Variants in NTM observed in about 807,000 individuals in gnomAD.
The protein encoded by NTM is neurotrimin.
A neutral mutation model predicts 42.1 loss-of-function variants in NTM; 13 were observed. The observed-to-expected ratio is 0.31, with a 90% CI of 0.20 to 0.49. NTM has a LOEUF of 0.49. NTM is among the 20% of genes least tolerant of loss of function. The probability of loss-of-function intolerance (pLI) is 0.99; values close to 1 mark genes in which losing one functional copy is unlikely to be tolerated. For synonymous variants in NTM, 187 were observed against 179.2 expected (o/e 1.04, Z -0.35); for missense variants, 373 against 452.8 (o/e 0.82, Z 1.60).
intron 1 of NTM, among the ~76,000 whole-genome samples, chr11:131,543,646 G>T (rs1414984856): frequency 3.3e-5 from 5 of 152,168 alleles, no homozygotes; most frequent in Non-Finnish European, 7.3e-5. Context: ...CTGGGGAGAG[G>T]CTCTGCTTCC....
rs1046569656 is a variant in NTM, at chr11:132,002,263, G to A, written c.167+90615G>A. On this transcript the variant is annotated intron_variant, in intron 2 of 8. Coordinates refer to ENST00000683400, the MANE Select transcript of NTM (RefSeq NM_001352005.2). The surrounding 1 kb of genome is among the most constrained non-coding windows in gnomAD (Gnocchi z 4.5). ...GCTGGACTTGTCTTGTGAGCTATTTGTGGCAGCTTTACTGTACAAAAGCGA... is the reference window on the plus strand; with the variant it reads ...GCTGGACTTGTCTTGTGAGCTATTTATGGCAGCTTTACTGTACAAAAGCGA... Among the ~76,000 whole-genome samples the A allele has an allele frequency of 6.6e-6, 1 of 152,200 alleles. No individual in the cohort carries two copies. Among genetic ancestry groups the A allele is most frequent in the Non-Finnish European group, 1.5e-5 (1 of 68,036 alleles).
intron 1 of NTM, among the ~76,000 whole-genome samples, chr11:131,608,466 T>G (rs1342957498): frequency 6.6e-6 from 1 of 152,200 alleles, no homozygotes; most frequent in African/African-American, 2.4e-5. Context: ...AAAACCTCAA[T>G]TAAGAAAGAA....
At chr11:132,301,604 CA>C (rs1196042374) in intron 4 of NTM, among the ~76,000 whole-genome samples, 2 of 152,128 alleles carry the variant, frequency 1.3e-5, no homozygotes, top group African/African-American at 4.8e-5. Context: ...GTTCATCAGC[CA>C]TCATAATGGC....
At chr11:131,634,497 G>A (rs1489617120) in intron 1 of NTM, among the ~76,000 whole-genome samples, 2 of 151,998 alleles carry the variant, frequency 1.3e-5, no homozygotes, top group Non-Finnish European at 2.9e-5. Flanking sequence ...TCTCCATGAC[G>A]CTAATGCACT....
At chr11:132,101,042 C>T (rs2061560624) in intron 2 of NTM, among the ~76,000 whole-genome samples, 1 of 152,154 alleles carries the variant, frequency 6.6e-6, no homozygotes, top group Non-Finnish European at 1.5e-5. Flanking sequence ...TGAAAGCAGA[C>T]CTGTTGTCTC....
In NTM at chr11:131,505,294, A is replaced by G. The variant is rs1243109258; in HGVS notation, c.82+134406A>G. Reference sequence around the variant, plus strand: ...TAATGCTAACAACGATCATTTATTGAATAATTATTCTCAGTGTGTTAAGGA... The same window carrying G: ...TAATGCTAACAACGATCATTTATTGGATAATTATTCTCAGTGTGTTAAGGA... On this transcript the variant is annotated intron_variant, in intron 1 of 8. Transcript: ENST00000683400. Among the ~76,000 whole-genome samples, 5 of 152,278 alleles carry G rather than the reference A, an allele frequency of 3.3e-5. No individual in the cohort carries two copies. In the East Asian group the frequency reaches 9.7e-4, roughly 29 times the overall value.
chr11:132,220,453 A>C (rs2084913929), intron 4 of NTM, among the ~76,000 whole-genome samples: 1 of 152,244 alleles, frequency 6.6e-6, no homozygotes, highest in Admixed American at 6.5e-5. Context: ...ATCTGGTTTA[A>C]AGCATTATTA....
At chr11:131,733,518 CCTTT>C (rs58061012) in intron 1 of NTM, among the ~76,000 whole-genome samples, 2,417 of 91,134 alleles carry the variant, frequency 0.027, 31 homozygotes, top group Non-Finnish European at 0.034. Flanking sequence ...TTCCTTCCTT[CCTTT>C]CTTTCTTTCT....
rs575919771 is a variant in NTM, at chr11:132,163,024, G to A, written c.400+16510G>A. On this transcript the variant is annotated intron_variant, in intron 3 of 8. Coordinates refer to ENST00000683400, the MANE Select transcript of NTM (RefSeq NM_001352005.2). ...CCTGGTCCACCCCAAGAGAAGGATC[G>A]GTTGTGAAAGTTCCAATTACTAGAA... Among the ~76,000 whole-genome samples the A allele has an allele frequency of 3.3e-5, 5 of 152,244 alleles. No individual in the cohort carries two copies. In the South Asian group the frequency reaches 6.2e-4, roughly 19 times the overall value.
At chr11:132,225,801 TGCTGA>T (rs1432256826) in intron 4 of NTM, among the ~76,000 whole-genome samples, 7 of 152,340 alleles carry the variant, frequency 4.6e-5, no homozygotes, top group African/African-American at 1.7e-4. Flanking sequence ...CATGGTGGTT[TGCTGA>T]ACCCATCAAC....
chr11:131,733,474 CCT>C (rs1453132354), intron 1 of NTM, among the ~76,000 whole-genome samples: 20 of 134,046 alleles, frequency 1.5e-4, no homozygotes, highest in Non-Finnish European at 1.6e-5. Context: ...TTCCTTCCTT[CCT>C]TCCTTCCTTC....
chr11:131,505,713 G>C (rs1040665865), intron 1 of NTM, among the ~76,000 whole-genome samples: 8 of 152,138 alleles, frequency 5.3e-5, no homozygotes, highest in African/African-American at 1.9e-4. Context: ...GAAAGGACAC[G>C]GTGGCCACTC....
chr11:131,747,043 C>T (rs1421447078), intron 1 of NTM, among the ~76,000 whole-genome samples: 1 of 152,124 alleles, frequency 6.6e-6, no homozygotes, highest in East Asian at 1.9e-4. Context: ...TTTAATAAAG[C>T]ATTCTGTTAT....
At position 132,064,724 on chromosome 11, in the gene NTM, C is replaced by T. The variant is rs540717236; in HGVS notation, c.168-81558C>T. ...GACTAACTGATCTCTACTCTTTGAACCCCATGGTTCCAGTCCATTTAATTG... is the reference window on the plus strand; with the variant it reads ...GACTAACTGATCTCTACTCTTTGAATCCCATGGTTCCAGTCCATTTAATTG... On this transcript the variant is annotated intron_variant, in intron 2 of 8. Coordinates refer to ENST00000683400, the MANE Select transcript of NTM (RefSeq NM_001352005.2). Among the ~76,000 whole-genome samples, 75 of 152,294 alleles carry T rather than the reference C, an allele frequency of 4.9e-4. 3 individuals carry two copies. The South Asian group carries it at 0.016, about 32-fold the overall frequency.
At chr11:131,870,346 A>C (rs1035826569) in intron 1 of NTM, among the ~76,000 whole-genome samples, 9 of 152,248 alleles carry the variant, frequency 5.9e-5, no homozygotes, top group African/African-American at 1.9e-4. Context: ...TGCAAATGAA[A>C]TAGCACACTA....
At chr11:132,120,628 CCTTT>C (rs1393179782) in intron 2 of NTM, among the ~76,000 whole-genome samples, 2 of 152,186 alleles carry the variant, frequency 1.3e-5, no homozygotes, top group Admixed American at 6.5e-5. Flanking sequence ...GTTGCTGGCT[CCTTT>C]CTTTCTTCAT....
At chr11:131,487,622 G>T (rs927532824) in intron 1 of NTM, among the ~76,000 whole-genome samples, 1 of 152,172 alleles carries the variant, frequency 6.6e-6, no homozygotes. Context: ...GTGAAGATAT[G>T]GTATTGAGGA....
chr11:131,794,749 A>G (rs768539742), intron 1 of NTM: 315 of 985,282 alleles, frequency 3.2e-4, no homozygotes, highest in Admixed American at 1.4e-3. Flanking sequence ...AGGACTTAGA[A>G]CAATGGTGAG....
intron 1 of NTM, among the ~76,000 whole-genome samples, chr11:131,480,208 G>T (rs1285487197): frequency 6.6e-6 from 1 of 151,236 alleles, no homozygotes; most frequent in African/African-American, 2.4e-5. Flanking sequence ...CCTTGGAACA[G>T]AGTAGTAGCA....
Sources: gnomAD v4.1 joint callset for allele counts (sites outside exome capture counted in the v4.1 genomes callset) on GRCh38, gnomAD v4.1.1 for gene constraint, Gnocchi (gnomAD v3.1) non-coding constraint, MANE v1.5 for transcripts, NCBI Gene and HGNC (gene_info 2026-07-23, HGNC 2026-07-21) for gene names.